CELF2: variants seen among roughly 807,000 people sequenced by gnomAD.
CELF2 encodes the protein CUGBP Elav-like family member 2.
Under a neutral mutation model 62.6 loss-of-function variants are expected in CELF2, and 8 were observed. The observed-to-expected ratio is 0.13, with a 90% CI of 0.07 to 0.23. The LOEUF is 0.23. Among genes scored for constraint, CELF2 ranks in the 10% least tolerant of loss-of-function variants. The probability of loss-of-function intolerance (pLI) is 1.00; values close to 1 mark genes in which losing one functional copy is unlikely to be tolerated. For synonymous variants in CELF2, 258 were observed against 250.0 expected, an observed-to-expected ratio of 1.03 and a Z score of -0.30; for missense variants, 333 against 671.0, an observed-to-expected ratio of 0.50 and a Z score of 5.56.
At chr10:11,264,764 G>A (rs901677899) in intron 5 of CELF2, among the ~76,000 whole-genome samples, 1 of 152,180 alleles carries the variant, frequency 6.6e-6, no homozygotes, top group Non-Finnish European at 1.5e-5. Context: ...CTAAATTGCT[G>A]TTATTGATGA....
intron 1 of CELF2, among the ~76,000 whole-genome samples, chr10:10,854,003 A>G (rs895021374): frequency 6.6e-6 from 1 of 152,196 alleles, no homozygotes; most frequent in African/African-American, 2.4e-5. Flanking sequence ...AGTTTCTGCA[A>G]TTCTGTCATC....
At chr10:10,489,696 T>C in the CELF2 span, among the ~76,000 whole-genome samples, 2 of 152,142 alleles carry the variant, frequency 1.3e-5, no homozygotes, top group Admixed American at 1.3e-4. Flanking sequence ...TTTTATAAAG[T>C]AGTCCATTAA....
chr10:10,480,045 T>G, the CELF2 span, among the ~76,000 whole-genome samples: 3 of 152,310 alleles, frequency 2.0e-5, no homozygotes, highest in South Asian at 6.2e-4. Flanking sequence ...ATTTCTGGCA[T>G]CTAGAATCTT....
At chr10:10,592,876 C>A in the CELF2 span, among the ~76,000 whole-genome samples, 1 of 152,108 alleles carries the variant, frequency 6.6e-6, no homozygotes, top group Non-Finnish European at 1.5e-5. Context: ...CATTTGGAAG[C>A]GTGGTGATAG....
At chr10:10,774,365 C>T in the CELF2 span, among the ~76,000 whole-genome samples, 1 of 152,136 alleles carries the variant, frequency 6.6e-6, no homozygotes, top group East Asian at 1.9e-4. Context: ...GATCTGGGTT[C>T]CCACCCAAAC....
chr10:11,325,723 T>C (rs758425094), intron 11 of CELF2, 113 bp from the exon 12 acceptor site: 3 of 875,496 alleles, frequency 3.4e-6, no homozygotes, highest in South Asian at 3.8e-5. Flanking sequence ...ATCCATCTGT[T>C]TGTTTGTTCA....
rs181743077 is a variant in CELF2, at chr10:11,322,740, T to C, written c.1294+1354T>C. Among the ~76,000 whole-genome samples, 426 of 152,328 alleles carry C rather than the reference T, an allele frequency of 2.8e-3. 1 individual carries two copies. The highest frequency in any genetic ancestry group is 9.5e-3 in the African/African-American group (395 of 41,572). ...AATATATGAAAGTCTAAGTTACTTT[T>C]CATTATTTCAACTTTCTCTTTGACT... On this transcript the variant is annotated intron_variant, in intron 11 of 12. Transcript: ENST00000633077.
At chr10:11,173,396 T>C (rs2069678660) in intron 2 of CELF2, among the ~76,000 whole-genome samples, 1 of 152,214 alleles carries the variant, frequency 6.6e-6, no homozygotes, top group Non-Finnish European at 1.5e-5. Context: ...GGTTGAAAGG[T>C]TTACTTGCTG....
chr10:11,274,235 T>C (rs1284839865), intron 7 of CELF2, among the ~76,000 whole-genome samples: 2 of 152,186 alleles, frequency 1.3e-5, no homozygotes, highest in Non-Finnish European at 2.9e-5. Flanking sequence ...GATCCATAAG[T>C]TCAGCCCAAC....
chr10:10,879,390 T>C (rs531585004), intron 1 of CELF2, among the ~76,000 whole-genome samples: 1 of 152,352 alleles, frequency 6.6e-6, no homozygotes, highest in African/African-American at 2.4e-5. Context: ...AGACTTGATT[T>C]AGAACTTGAC....
intron 1 of CELF2, among the ~76,000 whole-genome samples, chr10:11,034,057 C>T (rs768159564): frequency 7.9e-5 from 12 of 152,064 alleles, no homozygotes; most frequent in Non-Finnish European, 1.5e-4. Flanking sequence ...AGGTGGCTGC[C>T]GGCTGTTCTA....
chr10:10,630,417 A>G, the CELF2 span, among the ~76,000 whole-genome samples: 2 of 152,112 alleles, frequency 1.3e-5, no homozygotes, highest in African/African-American at 4.8e-5. Flanking sequence ...CCTTACACCC[A>G]CCATCTGGAT....
chr10:10,825,961 C>T lies in CELF2; in HGVS notation c.53+27144C>T, dbSNP rs574432774. Reference sequence around the variant, plus strand: ...AATAATATTATCTATATCCAATGAGCGTATACTCTCTGCCAGGAGCTGTAC... The same window carrying T: ...AATAATATTATCTATATCCAATGAGTGTATACTCTCTGCCAGGAGCTGTAC... On this transcript the variant is annotated intron_variant, in intron 1 of 13. Coordinates refer to the CELF2 transcript ENST00000636488. 3.9e-5 allele frequency among the ~76,000 whole-genome samples: 6 copies of T among 152,192 alleles called. No individual in the cohort carries two copies. The East Asian group carries it at 5.8e-4, about 15-fold the overall frequency.
intron 1 of CELF2, among the ~76,000 whole-genome samples, chr10:11,109,548 G>A (rs950497907): frequency 3.9e-5 from 6 of 152,142 alleles, no homozygotes; most frequent in Non-Finnish European, 8.8e-5. Context: ...TCACAGTGCC[G>A]GTAGTCACAT....
At chr10:10,616,819 C>A in the CELF2 span, among the ~76,000 whole-genome samples, 2 of 151,938 alleles carry the variant, frequency 1.3e-5, no homozygotes, top group African/African-American at 4.8e-5. Context: ...AACTCCTGGG[C>A]TCAAGCGATC....
chr10:10,985,432 G>C (rs2052631870), intron 2 of CELF2, among the ~76,000 whole-genome samples: 1 of 152,066 alleles, frequency 6.6e-6, no homozygotes, highest in Non-Finnish European at 1.5e-5. Context: ...TCATAAGTTT[G>C]ATAGATCTGC....
chr10:10,865,970 T>C (rs754011973), intron 1 of CELF2, among the ~76,000 whole-genome samples: 3 of 152,092 alleles, frequency 2.0e-5, no homozygotes, highest in Admixed American at 6.5e-5. Context: ...GACAGTGTTA[T>C]AGTGTTTGTG....
the CELF2 span, among the ~76,000 whole-genome samples, chr10:10,590,819 G>A: frequency 2.6e-5 from 4 of 152,184 alleles, no homozygotes; most frequent in East Asian, 5.8e-4. Flanking sequence ...CTAGGCTCTG[G>A]GCATTTCTTT....
Position 11,314,497 on chromosome 10 carries a change from C to T in CELF2, c.1096+239C>T, listed in dbSNP as rs994951792. 7.0e-6 allele frequency: 4 copies of T among 568,242 alleles called. No individual in the cohort carries two copies. The highest frequency in any genetic ancestry group is 3.7e-5 in the African/African-American group (2 of 53,644). 35.2% of individuals were successfully genotyped at this position (568,242 alleles called of 1,614,324 possible). ...CAGTGTGTAGCACAGCGCGTGTGCTCATCCATGGGGTTCTGTGGCTGGCAG... is the reference window on the plus strand; with the variant it reads ...CAGTGTGTAGCACAGCGCGTGTGCTTATCCATGGGGTTCTGTGGCTGGCAG... On this transcript the variant is annotated intron_variant, in intron 10 of 12. Coordinates refer to ENST00000633077, the MANE Select transcript of CELF2 (RefSeq NM_001326342.2). The surrounding 1 kb of genome is among the most constrained non-coding windows in gnomAD (Gnocchi z 5.3).
Sources: gnomAD v4.1 joint callset for allele counts (sites outside exome capture counted in the v4.1 genomes callset) on GRCh38, gnomAD v4.1.1 for gene constraint, Gnocchi (gnomAD v3.1) non-coding constraint, MANE v1.5 for transcripts, NCBI Gene and HGNC (gene_info 2026-07-23, HGNC 2026-07-21) for gene names.